Variants in CABIN1 observed in about 807,000 individuals in gnomAD.
CABIN1 encodes the protein calcineurin-binding protein cabin-1.
CABIN1 carries 133 observed loss-of-function variants against 227.7 expected under a neutral mutation model. That is an observed-to-expected ratio of 0.58 (90% CI 0.51 to 0.67). CABIN1 has a LOEUF of 0.67. CABIN1 is among the 30% of genes least tolerant of loss of function. The pLI is 0.00. For synonymous variants in CABIN1, 1,086 were observed against 1,155.1 expected, an observed-to-expected ratio of 0.94 and a Z score of 1.21; for missense variants, 2,408 against 2,852.5, an observed-to-expected ratio of 0.84 and a Z score of 3.55.
At chr22:24,163,684 G>A (rs1177830033) in intron 29 of CABIN1, among the ~76,000 whole-genome samples, 2 of 152,154 alleles carry the variant, frequency 1.3e-5, no homozygotes, top group African/African-American at 2.4e-5. Flanking sequence ...ACCCTGCCTG[G>A]ACCCCGAGTA....
intron 1 of CABIN1, among the ~76,000 whole-genome samples, chr22:24,020,746 A>G (rs2035660091): frequency 6.6e-6 from 1 of 152,194 alleles, no homozygotes; most frequent in Non-Finnish European, 1.5e-5. Context: ...TCGTGTTAGT[A>G]AATTCTAGTT....
chr22:24,093,131 T>C (rs1602040163), intron 24 of CABIN1, among the ~76,000 whole-genome samples: 2 of 152,236 alleles, frequency 1.3e-5, no homozygotes, highest in South Asian at 4.1e-4. Context: ...CCAGGTTGTT[T>C]AGCATTCTGA....
intron 28 of CABIN1, among the ~76,000 whole-genome samples, chr22:24,127,232 G>A (rs2043786489): frequency 6.6e-6 from 1 of 152,142 alleles, no homozygotes; most frequent in African/African-American, 2.4e-5. Context: ...CAGAGAGTAG[G>A]AATTCACAAG....
intron 23 of CABIN1, among the ~76,000 whole-genome samples, chr22:24,090,020 G>A (rs1292477656): frequency 6.6e-6 from 1 of 152,226 alleles, no homozygotes; most frequent in African/African-American, 2.4e-5. Context: ...ATTCTGCTCT[G>A]AGGATGGCAA....
chr22:24,016,038 TGA>T (rs2035256734), intron 1 of CABIN1, among the ~76,000 whole-genome samples: 1 of 152,178 alleles, frequency 6.6e-6, no homozygotes, highest in East Asian at 1.9e-4. Context: ...AGTATACAAT[TGA>T]GTGGTTTTTA....
Position 24,095,927 on chromosome 22 carries a change from C to G in CABIN1, c.3787-4C>G. The G allele has an allele frequency of 6.2e-7, 1 of 1,613,930 alleles. No homozygotes were observed. Among genetic ancestry groups the G allele is most frequent in the South Asian group, 1.1e-5 (1 of 91,066 alleles). On this transcript the variant is annotated splice_polypyrimidine_tract_variant and splice_region_variant and intron_variant, in intron 24 of 36. Coordinates refer to ENST00000263119, the MANE Select transcript of CABIN1 (RefSeq NM_012295.4). ...TGCTCACACTAGAGGTGTCGTTCTC[C>G]TAGGTGTACTTTCGGCTCCATGCTT...
At chr22:24,022,843 AATTT>A (rs1463357275) in intron 1 of CABIN1, among the ~76,000 whole-genome samples, 1 of 152,120 alleles carries the variant, frequency 6.6e-6, no homozygotes, top group Non-Finnish European at 1.5e-5. Flanking sequence ...AGCATCTTTT[AATTT>A]ATTTACTTGT....
chr22:24,095,562 T>G (rs1199778443), intron 24 of CABIN1, among the ~76,000 whole-genome samples: 1 of 152,088 alleles, frequency 6.6e-6, no homozygotes, highest in East Asian at 1.9e-4. Flanking sequence ...GAGACAGATG[T>G]AGAAACTCAC....
chr22:24,044,999 A>C (rs2037735703), intron 6 of CABIN1, among the ~76,000 whole-genome samples: 2 of 149,222 alleles, frequency 1.3e-5, no homozygotes, highest in South Asian at 2.1e-4. Context: ...GGCTTATCGC[A>C]AGGTCCACCT....
chr22:24,051,480 AG>A (rs1251772802), intron 8 of CABIN1, among the ~76,000 whole-genome samples: 1 of 152,148 alleles, frequency 6.6e-6, no homozygotes, highest in Non-Finnish European at 1.5e-5. Context: ...CTCTCCAGGA[AG>A]GGCAAATTGG....
At chr22:24,028,721 G>C (rs983098152) in intron 1 of CABIN1, among the ~76,000 whole-genome samples, 7 of 152,126 alleles carry the variant, frequency 4.6e-5, no homozygotes, top group African/African-American at 1.7e-4. Flanking sequence ...TTTTCTGCTT[G>C]ACTTGTGGTA....
At chr22:24,073,208 TAAAGC>T (rs1481649942) in intron 18 of CABIN1, among the ~76,000 whole-genome samples, 1 of 152,164 alleles carries the variant, frequency 6.6e-6, no homozygotes, top group Non-Finnish European at 1.5e-5. Context: ...AAATGACACT[TAAAGC>T]AAAGATTGCC....
At chr22:24,088,276 G>T (rs946567338) in intron 23 of CABIN1, among the ~76,000 whole-genome samples, 1 of 152,180 alleles carries the variant, frequency 6.6e-6, no homozygotes, top group Non-Finnish European at 1.5e-5. Context: ...GGGGAAAGAA[G>T]TGTCAGCACC....
intron 30 of CABIN1, among the ~76,000 whole-genome samples, chr22:24,164,892 T>C (rs976719994): frequency 3.3e-5 from 5 of 152,158 alleles, no homozygotes; most frequent in African/African-American, 1.2e-4. Context: ...GGAAAACAGA[T>C]GTTCAGAAGA....
At chr22:24,079,134 T>C (rs2146946275) in intron 19 of CABIN1, among the ~76,000 whole-genome samples, 1 of 152,292 alleles carries the variant, frequency 6.6e-6, no homozygotes, top group East Asian at 1.9e-4. Context: ...AAATAGAAAG[T>C]ATAGTGCACT....
chr22:24,148,072 G>C (rs1180445576), intron 29 of CABIN1, among the ~76,000 whole-genome samples: 8 of 152,172 alleles, frequency 5.3e-5, no homozygotes, highest in Admixed American at 5.2e-4. Flanking sequence ...GGGACCAAAA[G>C]GAGGAGGGGG....
At position 24,119,545 on chromosome 22, in the gene CABIN1, C is replaced by T; in HGVS notation, c.4479C>T (p.Phe1493=). 1 of 1,613,892 alleles carries T rather than the reference C, an allele frequency of 6.2e-7. No homozygotes were observed. The highest frequency in any genetic ancestry group is 1.1e-5 in the South Asian group (1 of 91,082). Residue 1493 remains phenylalanine, a synonymous_variant, in exon 28 of 37, where the codon TTC becomes TTT. Coordinates refer to ENST00000263119, the MANE Select transcript of CABIN1 (RefSeq NM_012295.4). ...RGDLPGEPVA[F]PQGLPAGAEE... ...ACCTCCCAGGGGAGCCAGTGGCCTT[C>T]CCCCAGGGGCTGCCGGCTGGTGCTG...
intron 23 of CABIN1, among the ~76,000 whole-genome samples, 164 bp downstream of exon 23, chr22:24,087,877 G>A (rs906277602): frequency 3.9e-5 from 6 of 152,184 alleles, no homozygotes; most frequent in African/African-American, 1.4e-4. Flanking sequence ...ACCATGGTCA[G>A]TGACAACTTG....
chr22:24,119,567 G>A lies in CABIN1; in HGVS notation c.4501G>A (p.Ala1501Thr), dbSNP rs1829483689. Residue 1501 changes from alanine to threonine, a missense_variant, in exon 28 of 37, where the codon GCT becomes ACT. Ala to Thr is a moderately conservative substitution (Grantham distance 58, BLOSUM62 0). Transcript: ENST00000263119. ...CTTCCCCCAGGGGCTGCCGGCTGGTGCTGAGGAGCAGCGGCAGTTTCTCAC... is the reference window on the plus strand; with the variant it reads ...CTTCCCCCAGGGGCTGCCGGCTGGTACTGAGGAGCAGCGGCAGTTTCTCAC... ...VAFPQGLPAG[A>T]EEQRQFLTEQ... 1.9e-6 allele frequency: 3 copies of A among 1,613,512 alleles called. No homozygotes were observed. Among genetic ancestry groups the A allele is most frequent in the Non-Finnish European group, 2.5e-6 (3 of 1,179,956 alleles).
Sources: gnomAD v4.1 joint callset for allele counts (sites outside exome capture counted in the v4.1 genomes callset) on GRCh38, gnomAD v4.1.1 for gene constraint, MANE v1.5 for transcripts, NCBI Gene and HGNC (gene_info 2026-07-23, HGNC 2026-07-21) for gene names.